Variants in RORA observed in about 807,000 individuals in gnomAD.
The protein encoded by RORA is RAR related orphan receptor A, also known as nuclear receptor ROR-alpha.
RORA carries 7 observed loss-of-function variants against 69.5 expected under a neutral mutation model. The ratio of observed to expected loss-of-function variants is 0.10; its 90% CI spans 0.06 to 0.19. The LOEUF is 0.19. Ranked by LOEUF, RORA falls within the 10% of genes least tolerant of loss-of-function variation. The pLI, the probability that RORA is intolerant of heterozygous loss-of-function variation, is 1.00. For missense variants in RORA, 457 were observed against 663.0 expected (o/e 0.69, Z 3.41); for synonymous variants, 261 against 240.8 (o/e 1.08, Z -0.78).
At position 60,958,270 on chromosome 15, in the gene RORA, C is replaced by A. The variant is rs141925855; in HGVS notation, c.166+270783G>T. ...CAGATTCAAATTACCTGAGCCTTTG[C>A]GTGCATGGAGCATCAAATTCCATTT... On this transcript the variant is annotated intron_variant, in intron 1 of 10. Coordinates refer to ENST00000335670, the MANE Select transcript of RORA (RefSeq NM_134261.3). 7.7e-3 allele frequency among the ~76,000 whole-genome samples: 1,167 copies of A among 152,256 alleles called. 17 individuals are homozygous for A. The highest frequency in any genetic ancestry group is 0.027 in the African/African-American group (1,113 of 41,516).
chr15:60,729,339 T>C (rs145919246), intron 1 of RORA, among the ~76,000 whole-genome samples: 2 of 152,314 alleles, frequency 1.3e-5, no homozygotes, highest in South Asian at 4.1e-4. Flanking sequence ...CAGTGATACA[T>C]ATTTTAAAAG....
chr15:60,629,160 G>A (rs1288759967), intron 2 of RORA, among the ~76,000 whole-genome samples: 3 of 146,990 alleles, frequency 2.0e-5, no homozygotes, highest in Admixed American at 6.7e-5. Flanking sequence ...ATAGCTTTTC[G>A]ATGTTTATAA....
rs2066626570 is a variant in RORA, at chr15:60,534,717, TTTAGGAAATGA to T, written c.197-2877_197-2867del. On this transcript the variant is annotated intron_variant, in intron 2 of 10. Transcript: ENST00000335670. The surrounding 1 kb of genome is among the most constrained non-coding windows in gnomAD (Gnocchi z 5.0). ...ATGACAATTTCAGTTGCAAATGCAC[TTTAGGAAATGA>T]CTAAAATCCTCCTACTCCAAAAGCA... 6.6e-6 allele frequency among the ~76,000 whole-genome samples: 1 copy of T among 152,154 alleles called. No individual in the cohort carries two copies. Among genetic ancestry groups the T allele is most frequent in the African/African-American group, 2.4e-5 (1 of 41,430 alleles).
intron 1 of RORA, among the ~76,000 whole-genome samples, chr15:61,163,264 G>A (rs1234353336): frequency 6.6e-6 from 1 of 152,178 alleles, no homozygotes; most frequent in African/African-American, 2.4e-5. Flanking sequence ...CAAGGGGTCT[G>A]GGTCCCAGAG....
At chr15:60,526,446 A>T (rs1287019854) in intron 3 of RORA, among the ~76,000 whole-genome samples, 1 of 152,220 alleles carries the variant, frequency 6.6e-6, no homozygotes, top group Non-Finnish European at 1.5e-5. Flanking sequence ...GAGCTGAGGA[A>T]GGGCAGCAGT....
intron 2 of RORA, among the ~76,000 whole-genome samples, chr15:60,612,659 CTGTTTTTTT>C (rs2069121340): frequency 8.5e-6 from 1 of 117,328 alleles, no homozygotes; most frequent in Non-Finnish European, 1.7e-5. Context: ...CTCTCTCTCT[CTGTTTTTTT>C]TTTTTTTTTT....
At chr15:60,840,915 A>T (rs1219113379) in intron 1 of RORA, among the ~76,000 whole-genome samples, 1 of 152,232 alleles carries the variant, frequency 6.6e-6, no homozygotes, top group African/African-American at 2.4e-5. Context: ...ACCCAAAAAA[A>T]GCAACACTGA....
intron 1 of RORA, among the ~76,000 whole-genome samples, chr15:61,024,326 C>G (rs548223847): frequency 7.6e-5 from 11 of 144,526 alleles, no homozygotes; most frequent in Non-Finnish European, 1.6e-4. Context: ...GCCAAGTGCC[C>G]ACGCTGGAGT....
chr15:60,906,094 C>T (rs2140473431), intron 1 of RORA, among the ~76,000 whole-genome samples: 1 of 152,306 alleles, frequency 6.6e-6, no homozygotes, highest in East Asian at 1.9e-4. Context: ...ACTGGACTCT[C>T]TTTTCGGGGG....
intron 1 of RORA, among the ~76,000 whole-genome samples, chr15:61,187,842 G>A (rs2079759445): frequency 6.6e-6 from 1 of 152,122 alleles, no homozygotes; most frequent in Non-Finnish European, 1.5e-5. Flanking sequence ...TAAGGGAGAA[G>A]ACAGAACTGC....
intron 2 of RORA, among the ~76,000 whole-genome samples, chr15:60,640,919 T>G (rs2140673955): frequency 6.6e-6 from 1 of 152,308 alleles, no homozygotes; most frequent in East Asian, 1.9e-4. Context: ...CATGAGAATG[T>G]GAGCTCCAGG....
At chr15:60,594,846 A>T (rs2068631610) in intron 2 of RORA, among the ~76,000 whole-genome samples, 1 of 152,224 alleles carries the variant, frequency 6.6e-6, no homozygotes. Context: ...CCCTTTGGAG[A>T]TGTACTTCAT....
At chr15:61,167,123 T>C (rs1596040775) in intron 1 of RORA, among the ~76,000 whole-genome samples, 1 of 152,214 alleles carries the variant, frequency 6.6e-6, no homozygotes, top group Non-Finnish European at 1.5e-5. Flanking sequence ...TAATGACATC[T>C]AATCAGGCCC....
chr15:61,058,554 C>T (rs2280594), intron 1 of RORA, among the ~76,000 whole-genome samples: 52,415 of 151,878 alleles, frequency 0.35, 9,213 homozygotes, highest in Non-Finnish European at 0.38. Context: ...ATCTGAAGAA[C>T]GTCAGGAAAG....
At chr15:60,965,100 A>G (rs1893516738) in intron 1 of RORA, among the ~76,000 whole-genome samples, 1 of 152,154 alleles carries the variant, frequency 6.6e-6, no homozygotes, top group Admixed American at 6.5e-5. Context: ...TGAGATAACT[A>G]TAGGATGAAG....
intron 1 of RORA, among the ~76,000 whole-genome samples, chr15:60,749,642 T>C (rs1398541759): frequency 6.6e-6 from 1 of 152,202 alleles, no homozygotes; most frequent in Non-Finnish European, 1.5e-5. Flanking sequence ...CACTGTCTCC[T>C]TTTACCAGGG....
At chr15:61,038,206 A>G (rs1896561045) in intron 1 of RORA, among the ~76,000 whole-genome samples, 1 of 152,194 alleles carries the variant, frequency 6.6e-6, no homozygotes, top group African/African-American at 2.4e-5. Context: ...CGTATTATGA[A>G]CTAGTTAGCC....
At chr15:61,040,614 G>A (rs941862518) in intron 1 of RORA, among the ~76,000 whole-genome samples, 1 of 151,858 alleles carries the variant, frequency 6.6e-6, no homozygotes, top group Non-Finnish European at 1.5e-5. Context: ...TAGGTAGACC[G>A]TACACCCTAT....
At chr15:61,005,891 T>G (rs1894896115) in intron 1 of RORA, among the ~76,000 whole-genome samples, 1 of 152,198 alleles carries the variant, frequency 6.6e-6, no homozygotes, top group South Asian at 2.1e-4. Context: ...ATACAGATAC[T>G]CTGAAATGTT....
Sources: gnomAD v4.1 joint callset for allele counts (sites outside exome capture counted in the v4.1 genomes callset) on GRCh38, gnomAD v4.1.1 for gene constraint, Gnocchi (gnomAD v3.1) non-coding constraint, MANE v1.5 for transcripts, NCBI Gene and HGNC (gene_info 2026-07-23, HGNC 2026-07-21) for gene names.